FCGR2B: variants seen among roughly 807,000 people sequenced by gnomAD.
FCGR2B encodes Fc gamma receptor IIb.
In FCGR2B, 18 loss-of-function variants were observed where a neutral mutation model predicts 24.8. The ratio of observed to expected loss-of-function variants is 0.73; its 90% CI spans 0.50 to 1.08. The LOEUF is 1.08. Ranked by LOEUF, FCGR2B falls within the 50% of genes least tolerant of loss-of-function variation. The probability of loss-of-function intolerance (pLI) is 0.00; values close to 1 mark genes in which losing one functional copy is unlikely to be tolerated. For synonymous variants in FCGR2B, 79 were observed against 109.8 expected (o/e 0.72, Z 1.75); for missense variants, 215 against 297.6 (o/e 0.72, Z 2.04).
At chr1:161,677,413 T>G (rs1018000037) in intron 7 of FCGR2B, 48 bp downstream of exon 7, 4 of 1,610,876 alleles carry the variant, frequency 2.5e-6, no homozygotes, top group Non-Finnish European at 3.4e-6. Flanking sequence ...TGTTGCCTTT[T>G]CTGTTGCCTT....
chr1:161,649,368 T>C, the FCGR2B span, among the ~76,000 whole-genome samples: 3 of 151,124 alleles, frequency 2.0e-5, no homozygotes, highest in African/African-American at 7.3e-5. Flanking sequence ...AGAAAAGTTT[T>C]GCAGAAGAGG....
upstream of FCGR2B, among the ~76,000 whole-genome samples, chr1:161,661,262 G>GAA (rs1557895338): frequency 4.1e-5 from 1 of 24,456 alleles, no homozygotes; most frequent in Non-Finnish European, 1.3e-4. Flanking sequence ...AAGAAAGAAA[G>GAA]GAAGGAAGCA....
the FCGR2B span, among the ~76,000 whole-genome samples, chr1:161,654,964 T>C: frequency 1.4e-5 from 2 of 141,370 alleles, no homozygotes; most frequent in Admixed American, 7.3e-5. Flanking sequence ...GCTGTTTTTA[T>C]ACCACAAATC....
chr1:161,671,301 G>A (rs1474849457), intron 2 of FCGR2B, 91 bp from the exon 3 acceptor site: 1 of 1,598,048 alleles, frequency 6.3e-7, no homozygotes, highest in African/African-American at 1.4e-5. Context: ...GCCCCTAGTA[G>A]GCCTACAGGT....
the FCGR2B span, among the ~76,000 whole-genome samples, chr1:161,649,605 G>A: frequency 4.0e-4 from 60 of 150,674 alleles, 4 homozygotes; most frequent in Admixed American, 3.5e-3. Flanking sequence ...CTAGTTAAAG[G>A]CTTGTTTCAG....
chr1:161,677,440 C>G, intron 7 of FCGR2B, 36 bp from the exon 8 acceptor site: 1 of 1,609,916 alleles, frequency 6.2e-7, no homozygotes, highest in Non-Finnish European at 8.5e-7. Flanking sequence ...TAGGCCCTCT[C>G]TGTGGATCCT....
At chr1:161,648,764 A>T in the FCGR2B span, among the ~76,000 whole-genome samples, 1 of 150,668 alleles carries the variant, frequency 6.6e-6, no homozygotes, top group African/African-American at 2.5e-5. Flanking sequence ...AGCTTGGCTC[A>T]TTGTAACCTC....
At chr1:161,648,464 T>G in the FCGR2B span, among the ~76,000 whole-genome samples, 2 of 149,508 alleles carry the variant, frequency 1.3e-5, no homozygotes, top group African/African-American at 5.0e-5. Context: ...GTTTCCCTGA[T>G]AAGTAGTGAC....
At position 161,677,611 on chromosome 1, in the gene FCGR2B, T is replaced by C; in HGVS notation, c.*58T>C. 7.3e-7 allele frequency: 1 copy of C among 1,374,620 alleles called. No homozygotes were observed. 85.2% of individuals were successfully genotyped at this position (1,374,620 alleles called of 1,614,324 possible). A position where few individuals can be genotyped will look rare whatever the true frequency, so the allele number is the denominator to read the frequency against. ...AAATCAGAGAGGGAAGATCTGGTAT[T>C]TCCTGGCCTAAATTCCCCTTGGGGA... On this transcript the variant is annotated 3_prime_UTR_variant, in exon 8 of 8. Coordinates refer to ENST00000358671, the MANE Select transcript of FCGR2B (RefSeq NM_001394477.1).
chr1:161,654,776 A>T, the FCGR2B span, among the ~76,000 whole-genome samples: 1 of 137,428 alleles, frequency 7.3e-6, no homozygotes, highest in Non-Finnish European at 1.7e-5. Context: ...CTTTAGAAAC[A>T]CCTGTCTTTT....
chr1:161,675,531 G>A (rs911325185), intron 6 of FCGR2B: 2 of 450,622 alleles, frequency 4.4e-6, no homozygotes, highest in Admixed American at 8.7e-5. Flanking sequence ...ACCAGTCCCA[G>A]ATACAGAAGA....
chr1:161,677,023 T>A, intron 6 of FCGR2B: 48 of 413,432 alleles, frequency 1.2e-4, no homozygotes, highest in Non-Finnish European at 1.6e-4. Flanking sequence ...TCTTCCCCAA[T>A]ATCTCAGATC....
At chr1:161,661,290 GAGAA>G (rs1339522454), upstream of FCGR2B, among the ~76,000 whole-genome samples, 1 of 138,166 alleles carries the variant, frequency 7.2e-6, no homozygotes, top group Non-Finnish European at 1.6e-5. Context: ...AAGAAAGAGA[GAGAA>G]AGAAAGAAAG....
intron 2 of FCGR2B, among the ~76,000 whole-genome samples, chr1:161,671,073 TG>T (rs1681602529): frequency 6.6e-6 from 1 of 152,110 alleles, no homozygotes; most frequent in Non-Finnish European, 1.5e-5. Flanking sequence ...GTGTCTGTGC[TG>T]GTGGGGAGAG....
the FCGR2B span, among the ~76,000 whole-genome samples, chr1:161,654,915 G>A: frequency 7.2e-6 from 1 of 138,362 alleles, no homozygotes; most frequent in African/African-American, 2.5e-5. Context: ...TTTGGGGGGT[G>A]TTTCTAATGA....
the FCGR2B span, among the ~76,000 whole-genome samples, chr1:161,648,701 T>A: frequency 6.6e-6 from 1 of 150,900 alleles, no homozygotes; most frequent in African/African-American, 2.4e-5. Context: ...TTTTCTTTCT[T>A]TTTTTTGAGG....
chr1:161,677,233 C>G (rs1313543282), intron 6 of FCGR2B, 95 bp from the exon 7 acceptor site: 20 of 1,219,922 alleles, frequency 1.6e-5, no homozygotes, highest in Non-Finnish European at 2.4e-5. Context: ...TGCTTTGGCT[C>G]TAGTTTGGGC....
the FCGR2B span, among the ~76,000 whole-genome samples, chr1:161,648,695 C>T: frequency 6.6e-6 from 1 of 150,574 alleles, no homozygotes; most frequent in African/African-American, 2.5e-5. Context: ...TTAATTTTTT[C>T]TTTCTTTTTT....
chr1:161,675,471 G>A, intron 6 of FCGR2B, 158 bp downstream of exon 6: 5 of 524,308 alleles, frequency 9.5e-6, no homozygotes, highest in East Asian at 3.5e-5. Flanking sequence ...TCAGCTCTTA[G>A]TCTAACTCCT....
Sources: gnomAD v4.1 joint callset for allele counts (sites outside exome capture counted in the v4.1 genomes callset) on GRCh38, gnomAD v4.1.1 for gene constraint, MANE v1.5 for transcripts, NCBI Gene and HGNC (gene_info 2026-07-23, HGNC 2026-07-21) for gene names.